The following TG variants were observed in gnomAD, a reference collection of about 807,000 sequenced individuals.
TG encodes thyroglobulin, also known as thyroid hormones.
Under a neutral mutation model 324.7 loss-of-function variants are expected in TG, and 270 were observed. The observed-to-expected ratio is 0.83, with a 90% CI of 0.75 to 0.92. TG has a LOEUF of 0.92. Ranked by LOEUF, TG falls within the 40% of genes least tolerant of loss-of-function variation. The pLI is 0.00. For synonymous variants in TG, 1,401 were observed against 1,327.0 expected (o/e 1.06, Z -1.21); for missense variants, 3,591 against 3,456.4 (o/e 1.04, Z -0.98).
chr8:132,973,811 G>A (rs1302615101), intron 34 of TG, among the ~76,000 whole-genome samples: 1 of 152,086 alleles, frequency 6.6e-6, no homozygotes, highest in Non-Finnish European at 1.5e-5. Context: ...TTAGAGAGAG[G>A]CTGAGCAGAG....
At chr8:132,943,947 G>A (rs776119165) in intron 26 of TG, among the ~76,000 whole-genome samples, 1 of 152,000 alleles carries the variant, frequency 6.6e-6, no homozygotes, top group Non-Finnish European at 1.5e-5. Context: ...ATATTGATAG[G>A]TCCCACCTCC....
chr8:132,898,536 G>A (rs989202812), intron 13 of TG, among the ~76,000 whole-genome samples: 7 of 152,200 alleles, frequency 4.6e-5, no homozygotes, highest in African/African-American at 1.7e-4. Flanking sequence ...AGCCACTCCT[G>A]TAGTTTCAGC....
chr8:132,960,149 A>G (rs1401683204), intron 27 of TG, among the ~76,000 whole-genome samples: 1 of 152,232 alleles, frequency 6.6e-6, no homozygotes, highest in Admixed American at 6.5e-5. Context: ...ACGTATACCT[A>G]TGTAACAAAC....
chr8:132,932,117 A>T (rs199832143), intron 23 of TG, among the ~76,000 whole-genome samples: 6 of 151,084 alleles, frequency 4.0e-5, no homozygotes, highest in Non-Finnish European at 7.4e-5. Context: ...AAACAGAATT[A>T]TTTTTTTGGG....
intron 29 of TG, among the ~76,000 whole-genome samples, chr8:132,963,901 G>T (rs1382337562): frequency 1.3e-5 from 2 of 152,078 alleles, no homozygotes; most frequent in Non-Finnish European, 2.9e-5. Flanking sequence ...ATGCCTTAGT[G>T]CACGGCCATG....
At chr8:133,067,813 G>GAAAGA (rs1564145176) in intron 41 of TG, among the ~76,000 whole-genome samples, 1 of 122,668 alleles carries the variant, frequency 8.2e-6, no homozygotes, top group African/African-American at 2.7e-5. Context: ...AGAAAGAAAG[G>GAAAGA]AAGGAAGGAA....
At chr8:133,080,671 T>C (rs150288025) in intron 41 of TG, among the ~76,000 whole-genome samples, 94 of 152,306 alleles carry the variant, frequency 6.2e-4, no homozygotes, top group African/African-American at 2.2e-3. Flanking sequence ...ACCCTCCTTA[T>C]CAGCCCCATG....
chr8:132,914,361 AT>A (rs1452674598), intron 20 of TG, among the ~76,000 whole-genome samples: 1 of 152,132 alleles, frequency 6.6e-6, no homozygotes, highest in African/African-American at 2.4e-5. Context: ...TTTCTCAGTT[AT>A]TTTTTTCAAT....
intron 45 of TG, among the ~76,000 whole-genome samples, chr8:133,130,714 T>A (rs1851876818): frequency 6.6e-6 from 1 of 152,128 alleles, no homozygotes; most frequent in Admixed American, 6.5e-5. Flanking sequence ...CGATCCTGGA[T>A]TTCTGAACTC....
intron 41 of TG, among the ~76,000 whole-genome samples, chr8:133,031,257 T>C (rs888925272): frequency 3.9e-5 from 6 of 152,240 alleles, no homozygotes; most frequent in Admixed American, 3.9e-4. Context: ...CTTAGCATAA[T>C]GTCTTTAAGG....
intron 41 of TG, chr8:133,060,323 G>T (rs1238704264): frequency 6.4e-7 from 1 of 1,556,062 alleles, no homozygotes; most frequent in Non-Finnish European, 8.7e-7. Context: ...AAAGGCGGCT[G>T]TTTATATGTG....
intron 34 of TG, among the ~76,000 whole-genome samples, chr8:132,974,286 A>G (rs896564330): frequency 2.6e-5 from 4 of 152,004 alleles, no homozygotes; most frequent in Non-Finnish European, 4.4e-5. Flanking sequence ...GAGCCACCGC[A>G]CCCAGCCACA....
intron 27 of TG, among the ~76,000 whole-genome samples, chr8:132,956,607 G>A (rs1826909745): frequency 6.6e-6 from 1 of 152,174 alleles, no homozygotes; most frequent in Admixed American, 6.5e-5. Context: ...CTGACAGCAA[G>A]CATTCAGTGT....
chr8:133,049,036 G>T, intron 41 of TG: 1 of 373,788 alleles, frequency 2.7e-6, no homozygotes, highest in Non-Finnish European at 5.5e-6. Context: ...TCCAGCTTCC[G>T]ACACTTGACA....
At position 133,029,957 on chromosome 8, in the gene TG, G is replaced by A; in HGVS notation, c.7173G>A (p.Val2391=). ...SLAADRGGAD[V]ASIHLLTARA... The stretch of plus-strand genomic sequence containing the variant: ...CAGCAGACCGTGGCGGGGCTGATGT[G>A]GCCAGCATCCACCTTCTCACGGCCA... The change falls in exon 41 of 48, where the codon GTG becomes GTA. Residue 2391 remains valine, a synonymous_variant. Coordinates refer to ENST00000220616, the MANE Select transcript of TG (RefSeq NM_003235.5). 1 of 1,614,216 alleles carries A rather than the reference G, an allele frequency of 6.2e-7. No homozygotes were observed. The highest frequency in any genetic ancestry group is 8.5e-7 in the Non-Finnish European group (1 of 1,180,042).
intron 40 of TG, among the ~76,000 whole-genome samples, chr8:133,025,976 G>A (rs1205571798): frequency 7.9e-5 from 12 of 152,238 alleles, no homozygotes; most frequent in African/African-American, 1.9e-4. Flanking sequence ...CTTGCAGGGC[G>A]TCTCACGTGA....
At chr8:133,133,388 G>C in intron 46 of TG, 82 bp from the exon 47 acceptor site, 1 of 1,349,108 alleles carries the variant, frequency 7.4e-7, no homozygotes, top group Non-Finnish European at 1.1e-6. Flanking sequence ...CTCAGATACC[G>C]AGTGCAAGTG....
chr8:132,883,293 C>A, intron 8 of TG: 1 of 414,442 alleles, frequency 2.4e-6, no homozygotes, highest in Non-Finnish European at 4.4e-6. Context: ...GGAGCATGCA[C>A]ATAACTAAAG....
intron 27 of TG, among the ~76,000 whole-genome samples, chr8:132,952,198 C>T (rs546514781): frequency 6.6e-6 from 1 of 152,280 alleles, no homozygotes; most frequent in Non-Finnish European, 1.5e-5. Flanking sequence ...GACTCTGACT[C>T]TCCAGGTAGT....
Sources: gnomAD v4.1 joint callset for allele counts (sites outside exome capture counted in the v4.1 genomes callset) on GRCh38, gnomAD v4.1.1 for gene constraint, MANE v1.5 for transcripts, NCBI Gene and HGNC (gene_info 2026-07-23, HGNC 2026-07-21) for gene names.